ANK2: variants seen among roughly 807,000 people sequenced by gnomAD.
ANK2 encodes ankyrin-2.
Under a neutral mutation model 360.5 loss-of-function variants are expected in ANK2, and 83 were observed. The observed-to-expected ratio is 0.23, with a 90% CI of 0.19 to 0.28. The LOEUF is 0.28. Among genes scored for constraint, ANK2 ranks in the 10% least tolerant of loss-of-function variants. The pLI is 1.00. For missense variants in ANK2, 4,201 were observed against 4,795.7 expected (o/e 0.88, Z 3.66); for synonymous variants, 1,740 against 1,759.5 (o/e 0.99, Z 0.28).
chr4:113,009,947 C>CACACACACAT (rs2054175853), intron 2 of ANK2, among the ~76,000 whole-genome samples: 1 of 151,706 alleles, frequency 6.6e-6, no homozygotes, highest in South Asian at 2.1e-4. Flanking sequence ...CACACACACA[C>CACACACACAT]TCACACACAC....
At chr4:113,372,210 T>C (rs1234624877) in intron 43 of ANK2, among the ~76,000 whole-genome samples, 1 of 150,868 alleles carries the variant, frequency 6.6e-6, no homozygotes, top group African/African-American at 2.4e-5. Flanking sequence ...ACAGTCAGGC[T>C]TTTTTTTTAG....
chr4:112,875,456 G>A (rs890074717), intron 1 of ANK2, among the ~76,000 whole-genome samples: 19 of 151,674 alleles, frequency 1.3e-4, no homozygotes, highest in African/African-American at 4.4e-4. Flanking sequence ...TGGACTACAG[G>A]CATGTGCCAC....
intron 45 of ANK2, chr4:113,375,039 C>A: frequency 1.8e-6 from 1 of 567,996 alleles, no homozygotes; most frequent in Non-Finnish European, 2.3e-6. Flanking sequence ...TCATTCTATA[C>A]ATGAATTCAT....
intron 26 of ANK2, among the ~76,000 whole-genome samples, chr4:113,319,016 ATG>A (rs2084521216): frequency 6.6e-6 from 1 of 152,216 alleles, no homozygotes; most frequent in Admixed American, 6.5e-5. Context: ...AATGAAATAA[ATG>A]CCTTTCTCAG....
At chr4:113,045,318 T>C (rs751482004), upstream of ANK2, among the ~76,000 whole-genome samples, 3 of 152,214 alleles carry the variant, frequency 2.0e-5, no homozygotes, top group East Asian at 5.8e-4. Flanking sequence ...GTCATTGTCA[T>C]CTGACAGCGG....
intron 4 of ANK2, among the ~76,000 whole-genome samples, chr4:113,217,463 A>G (rs1468224): frequency 0.11 from 16,363 of 152,250 alleles, 1,034 homozygotes; most frequent in East Asian, 0.18. Flanking sequence ...ATAAATTATA[A>G]CTAAATACTC....
the ANK2 span, among the ~76,000 whole-genome samples, chr4:112,772,264 G>C: frequency 6.6e-6 from 1 of 152,174 alleles, no homozygotes; most frequent in African/African-American, 2.4e-5. Flanking sequence ...AGACAAGAGA[G>C]AATGAGGACC....
chr4:112,768,848 C>T, the ANK2 span, among the ~76,000 whole-genome samples: 1 of 152,144 alleles, frequency 6.6e-6, no homozygotes, highest in East Asian at 1.9e-4. Context: ...TGGACCTGAG[C>T]TAATCTTTCT....
Position 113,339,236 on chromosome 4 carries a change from C to T in ANK2, c.3807C>T (p.Thr1269=). The T allele has an allele frequency of 2.5e-6, 4 of 1,613,176 alleles. No homozygotes were observed. Among genetic ancestry groups the T allele is most frequent in the Non-Finnish European group, 3.4e-6 (4 of 1,179,426 alleles). The change falls in exon 32 of 46, where the codon ACC becomes ACT. Residue 1269 remains threonine, a synonymous_variant. Transcript: ENST00000357077. The part of the protein sequence containing the change: ...RLLCSITGGT[T]PAQWEDITGT... ...ATCATATTATTTCAGGTGGAACCAC[C>T]CCTGCCCAGTGGGAAGATATTACAG...
At chr4:112,706,286 T>TCAACCCCAATGCGGCGG in the ANK2 span, among the ~76,000 whole-genome samples, 1 of 152,064 alleles carries the variant, frequency 6.6e-6, no homozygotes, top group African/African-American at 2.4e-5. Context: ...GGCGGGGACC[T>TCAACCCCAATGCGGCGG]CAACCCCAAT....
At chr4:113,195,364 C>T (rs1388507983) in intron 2 of ANK2, among the ~76,000 whole-genome samples, 1 of 150,164 alleles carries the variant, frequency 6.7e-6, no homozygotes, top group Non-Finnish European at 1.5e-5. Context: ...CTGAGTATGA[C>T]TCACAGTCAT....
chr4:113,074,676 C>T (rs763501608), intron 1 of ANK2, among the ~76,000 whole-genome samples: 23 of 151,988 alleles, frequency 1.5e-4, no homozygotes, highest in Non-Finnish European at 2.2e-4. Context: ...AAATTTTGAT[C>T]GGCAGAGATA....
At chr4:113,180,030 T>C (rs2098359642) in intron 2 of ANK2, among the ~76,000 whole-genome samples, 1 of 152,256 alleles carries the variant, frequency 6.6e-6, no homozygotes, top group Admixed American at 6.5e-5. Context: ...AAATTATCAG[T>C]TAAATCCTGT....
At chr4:112,796,002 G>T in the ANK2 span, among the ~76,000 whole-genome samples, 10 of 151,530 alleles carry the variant, frequency 6.6e-5, no homozygotes, top group African/African-American at 2.4e-4. Flanking sequence ...GTTTCACTAT[G>T]TTGGCCAGGC....
chr4:112,846,626 A>C (rs1389742868), intron 1 of ANK2, among the ~76,000 whole-genome samples: 1 of 151,494 alleles, frequency 6.6e-6, no homozygotes, highest in Non-Finnish European at 1.5e-5. Flanking sequence ...TTTCAGTCTC[A>C]TCAAAGGGCC....
the ANK2 span, among the ~76,000 whole-genome samples, chr4:112,712,413 T>A: frequency 7.6e-4 from 107 of 140,326 alleles, no homozygotes; most frequent in African/African-American, 2.6e-3. Context: ...TATATTTTTT[T>A]TTTTTTTTTT....
In ANK2 at chr4:113,353,506, G is replaced by A; in HGVS notation, c.4888G>A (p.Glu1630Lys). 6.2e-7 allele frequency: 1 copy of A among 1,614,028 alleles called. No homozygotes were observed. Among genetic ancestry groups the A allele is most frequent in the Non-Finnish European group, 8.5e-7 (1 of 1,179,968 alleles). The change falls in exon 38 of 46, where the codon GAG (glutamate) becomes AAG (lysine). Residue 1630 changes from glutamate (E) to lysine (K), a missense_variant. Glu to Lys is a moderately conservative substitution (Grantham distance 56). Coordinates refer to ENST00000357077, the MANE Select transcript of ANK2 (RefSeq NM_001148.6). ...AGATAAAGAGATCAAAGGAAAAGTA[G>A]AGAAAGACTCAACTGGGCTAGTGAA... The part of the protein sequence containing the change: ...RIDKEIKGKV[E>K]KDSTGLVNYL...
chr4:113,258,090 G>T lies in ANK2; in HGVS notation c.1229G>T (p.Arg410Leu), dbSNP rs786205720. Residue 410 changes from arginine (R) to leucine (L), a missense_variant, in exon 12 of 46, where the codon CGC becomes CTC. Physicochemically the swap from Arg to Leu is moderately radical, Grantham distance 102 (BLOSUM62 -2). Coordinates refer to ENST00000357077, the MANE Select transcript of ANK2 (RefSeq NM_001148.6). ...CTGCACATTGCCTGCAAGAAAAACC[G>T]CATCAAAGTCATGGAACTGCTGGTG... ...TPLHIACKKN[R>L]IKVMELLVKY... 2 of 1,614,156 alleles carry T rather than the reference G, an allele frequency of 1.2e-6. No homozygotes were observed. Among genetic ancestry groups the T allele is most frequent in the Non-Finnish European group, 1.7e-6 (2 of 1,180,000 alleles).
chr4:112,931,006 A>G (rs963761065), intron 2 of ANK2, among the ~76,000 whole-genome samples: 5 of 152,232 alleles, frequency 3.3e-5, no homozygotes, highest in Admixed American at 6.5e-5. Context: ...TTAGACAGGC[A>G]TTGAGAAGAA....
Sources: allele counts gnomAD v4.1 joint callset (sites outside exome capture counted in the v4.1 genomes callset), GRCh38; gene constraint gnomAD v4.1.1; transcripts MANE v1.5; gene names NCBI Gene and HGNC (gene_info 2026-07-23, HGNC 2026-07-21).